Variants in SEL1L2 observed in about 807,000 individuals in gnomAD.
The protein encoded by SEL1L2 is protein sel-1 homolog 2.
A neutral mutation model predicts 98.8 loss-of-function variants in SEL1L2; 89 were observed. The observed-to-expected ratio is 0.90, with a 90% CI of 0.76 to 1.07. The LOEUF (loss-of-function observed/expected upper bound fraction) is 1.07, where lower values mean the gene tolerates loss of function less well. SEL1L2 is among the 50% of genes least tolerant of loss of function. SEL1L2 has a pLI of 0.00. For missense variants in SEL1L2, 788 were observed against 812.0 expected (o/e 0.97, Z 0.36); for synonymous variants, 262 against 278.5 (o/e 0.94, Z 0.59).
rs375381407 is a variant in SEL1L2, at chr20:13,896,397, A to G, written c.550-7885T>C. On this transcript the variant is annotated intron_variant, in intron 5 of 19. Transcript: ENST00000284951. Reference sequence around the variant, plus strand: ...AGGCAGGAGAATGGCGTGAACCCGGAAGGTGGAGCTTGCAGTGAGCTGAGA... The same window carrying G: ...AGGCAGGAGAATGGCGTGAACCCGGGAGGTGGAGCTTGCAGTGAGCTGAGA... Among the ~76,000 whole-genome samples the G allele has an allele frequency of 1.4e-3, 209 of 151,458 alleles. 3 individuals carry two copies. Among genetic ancestry groups the G allele is most frequent in the African/African-American group, 4.8e-3 (197 of 41,254 alleles).
At chr20:13,964,513 C>T (rs892242071) in intron 1 of SEL1L2, among the ~76,000 whole-genome samples, 2 of 140,558 alleles carry the variant, frequency 1.4e-5, no homozygotes, top group African/African-American at 5.3e-5. Flanking sequence ...AGTGCAATGG[C>T]GCAATCTCAG....
At chr20:13,909,338 G>T (rs901892860) in intron 5 of SEL1L2, among the ~76,000 whole-genome samples, 1 of 152,192 alleles carries the variant, frequency 6.6e-6, no homozygotes, top group African/African-American at 2.4e-5. Flanking sequence ...TCAAACTATT[G>T]TTTGTGGCAC....
intron 5 of SEL1L2, among the ~76,000 whole-genome samples, chr20:13,893,433 A>G (rs2047290689): frequency 6.6e-6 from 1 of 152,210 alleles, no homozygotes; most frequent in Non-Finnish European, 1.5e-5. Flanking sequence ...AGAACATTAT[A>G]TAATGATAAA....
rs146051525 is a variant in SEL1L2, at chr20:13,917,671, T to C, written c.386+1350A>G. ...ACTTTGTTGCTGCCCTGTCTGGTGC[T>C]AGCTACCACAGCTCTGGGATGCTTT... On this transcript the variant is annotated intron_variant, in intron 4 of 19. Transcript: ENST00000284951. Among the ~76,000 whole-genome samples the C allele has an allele frequency of 4.3e-4, 65 of 152,182 alleles. No homozygotes were observed. In the East Asian group the frequency reaches 0.011, roughly 26 times the overall value.
intron 3 of SEL1L2, among the ~76,000 whole-genome samples, chr20:13,926,590 T>C (rs904921735): frequency 6.6e-6 from 1 of 152,158 alleles, no homozygotes; most frequent in African/African-American, 2.4e-5. Flanking sequence ...TGACCTTGGC[T>C]ATGCAGCACT....
intron 5 of SEL1L2, among the ~76,000 whole-genome samples, chr20:13,912,450 T>C (rs2048245740): frequency 6.6e-6 from 1 of 151,952 alleles, no homozygotes; most frequent in Admixed American, 6.6e-5. Flanking sequence ...GCATGTGCCA[T>C]GACGCCCAGC....
intron 5 of SEL1L2, among the ~76,000 whole-genome samples, chr20:13,893,970 T>C (rs2047317313): frequency 6.6e-6 from 1 of 151,890 alleles, no homozygotes; most frequent in South Asian, 2.1e-4. Context: ...TTAGAAAACA[T>C]CTTGAGAAAA....
At chr20:13,959,278 T>C (rs1204823274) in intron 1 of SEL1L2, among the ~76,000 whole-genome samples, 1 of 152,162 alleles carries the variant, frequency 6.6e-6, no homozygotes, top group East Asian at 1.9e-4. Flanking sequence ...GATGACCAGC[T>C]CAGTGGTTGG....
In SEL1L2 at chr20:13,949,083, C is replaced by T. The variant is rs1036882670; in HGVS notation, c.114+6993G>A. Among the ~76,000 whole-genome samples the T allele has an allele frequency of 2.6e-5, 4 of 152,040 alleles. No individual in the cohort carries two copies. The East Asian group carries it at 5.8e-4, about 22-fold the overall frequency. ...AAATTTAAAACTCCTGTGTATGAAA[C>T]GATACTATCCACAGAGTGAAAAGAC... On this transcript the variant is annotated intron_variant, in intron 2 of 19. Coordinates refer to ENST00000284951, the MANE Select transcript of SEL1L2 (RefSeq NM_025229.2).
intron 5 of SEL1L2, among the ~76,000 whole-genome samples, chr20:13,892,169 G>A (rs572277700): frequency 1.3e-5 from 2 of 152,208 alleles, no homozygotes; most frequent in African/African-American, 4.8e-5. Flanking sequence ...AGATATTTTA[G>A]CCATCCATTG....
intron 2 of SEL1L2, among the ~76,000 whole-genome samples, chr20:13,933,639 T>C (rs1456962498): frequency 6.6e-6 from 1 of 152,194 alleles, no homozygotes; most frequent in Non-Finnish European, 1.5e-5. Flanking sequence ...ATATGCTCCA[T>C]GGCTGTCATT....
At chr20:13,894,858 C>T (rs2047354097) in intron 5 of SEL1L2, among the ~76,000 whole-genome samples, 2 of 152,124 alleles carry the variant, frequency 1.3e-5, no homozygotes, top group Non-Finnish European at 2.9e-5. Context: ...TCAGAAACCT[C>T]CCGACAAAGA....
At chr20:13,989,229 T>G (rs1379278640) in intron 1 of SEL1L2, among the ~76,000 whole-genome samples, 1 of 152,202 alleles carries the variant, frequency 6.6e-6, no homozygotes, top group Non-Finnish European at 1.5e-5. Flanking sequence ...AAGTAGTTCA[T>G]TTTTGATACT....
At position 13,919,141 on chromosome 20, in the gene SEL1L2, A is replaced by C; in HGVS notation, c.284-18T>G. 4 of 1,404,290 alleles carry C rather than the reference A, an allele frequency of 2.8e-6. No homozygotes were observed. The highest frequency in any genetic ancestry group is 4.0e-6 in the Non-Finnish European group (4 of 1,006,788). 87.0% of individuals were successfully genotyped at this position (1,404,290 alleles called of 1,614,324 possible). A position where few individuals can be genotyped will look rare whatever the true frequency, so the allele number is the denominator to read the frequency against. On this transcript the variant is annotated intron_variant, in intron 3 of 19. Coordinates refer to ENST00000284951, the MANE Select transcript of SEL1L2 (RefSeq NM_025229.2). ...CTTTTGTACTATACATGAACAAACA[A>C]AAAATAAAAACAATATTACTTCTAT...
intron 9 of SEL1L2, 137 bp downstream of exon 9, chr20:13,886,151 T>G (rs1194969071): frequency 2.4e-5 from 12 of 496,852 alleles, no homozygotes; most frequent in Non-Finnish European, 1.4e-5. Flanking sequence ...AAAACAGGAG[T>G]AGGGTGAGAG....
At chr20:13,959,219 G>A (rs768770185) in intron 1 of SEL1L2, among the ~76,000 whole-genome samples, 12 of 152,070 alleles carry the variant, frequency 7.9e-5, no homozygotes, top group Admixed American at 2.0e-4. Context: ...AACATTTCTC[G>A]ATTGGATTGT....
At chr20:13,940,126 C>T (rs1401461846) in intron 2 of SEL1L2, among the ~76,000 whole-genome samples, 2 of 152,110 alleles carry the variant, frequency 1.3e-5, no homozygotes, top group Non-Finnish European at 2.9e-5. Context: ...AATACAGCAA[C>T]CAGTAAACAA....
chr20:13,877,836 A>G lies in SEL1L2; in HGVS notation c.958-248T>C, dbSNP rs8117460. The stretch of plus-strand genomic sequence containing the variant: ...TTACATATAATTTTATAACATGAGG[A>G]CTTGCTTCTTACATTTGGAAAGCCA... On this transcript the variant is annotated intron_variant, in intron 10 of 19. Coordinates refer to ENST00000284951, the MANE Select transcript of SEL1L2 (RefSeq NM_025229.2). 9.2e-3 allele frequency among the ~76,000 whole-genome samples: 1,400 copies of G among 152,298 alleles called. 27 individuals are homozygous for G. Among genetic ancestry groups the G allele is most frequent in the African/African-American group, 0.032 (1,317 of 41,554 alleles).
chr20:13,945,498 A>T (rs1250588010), intron 2 of SEL1L2, among the ~76,000 whole-genome samples: 1 of 150,980 alleles, frequency 6.6e-6, no homozygotes, highest in African/African-American at 2.4e-5. Context: ...ATATATATAT[A>T]TATTTACATT....
Sources: allele counts gnomAD v4.1 joint callset (sites outside exome capture counted in the v4.1 genomes callset), GRCh38; gene constraint gnomAD v4.1.1; transcripts MANE v1.5; gene names NCBI Gene and HGNC (gene_info 2026-07-23, HGNC 2026-07-21).